SV2A: variants seen among roughly 807,000 people sequenced by gnomAD.
The protein encoded by SV2A is solute carrier family 22 member B1.
A neutral mutation model predicts 78.0 loss-of-function variants in SV2A; 25 were observed. That is an observed-to-expected ratio of 0.32 (90% CI 0.23 to 0.45). The LOEUF is 0.45. Among genes scored for constraint, SV2A ranks in the 20% least tolerant of loss-of-function variants. The pLI, the probability that SV2A is intolerant of heterozygous loss-of-function variation, is 1.00. For missense variants in SV2A, 752 were observed against 971.5 expected (o/e 0.77, Z 3.00); for synonymous variants, 355 against 384.7 (o/e 0.92, Z 0.90).
intron 12 of SV2A, chr1:149,905,456 CT>C (rs782048028): frequency 0.066 from 16,055 of 243,450 alleles, no homozygotes; most frequent in Middle Eastern, 0.099. Context: ...TTTTTTTTTC[CT>C]TTTTTTTTTT....
At position 149,904,964 on chromosome 1, in the gene SV2A, G is replaced by A. The variant is rs782509796; in HGVS notation, c.*50C>T. 7 of 1,541,124 alleles carry A rather than the reference G, an allele frequency of 4.5e-6. No homozygotes were observed. The highest frequency in any genetic ancestry group is 4.6e-5 in the East Asian group (2 of 43,110). Reference sequence around the variant, plus strand: ...GCAGGGCAGGGAGGGGAAGGAAGGAGTTGTTGGTCTCACAGTGTGCCTGCC... The same window carrying A: ...GCAGGGCAGGGAGGGGAAGGAAGGAATTGTTGGTCTCACAGTGTGCCTGCC... On this transcript the variant is annotated 3_prime_UTR_variant, in exon 13 of 13. Transcript: ENST00000369146.
rs769027394 is a variant in SV2A, at chr1:149,907,819, C to T, written c.1559G>A (p.Arg520Gln). 3.4e-5 allele frequency: 55 copies of T among 1,613,938 alleles called. No individual in the cohort carries two copies. The highest frequency in any genetic ancestry group is 4.4e-5 in the Non-Finnish European group (52 of 1,179,930). The change falls in exon 10 of 13, where the codon CGG (arginine) becomes CAG (glutamine). Residue 520 changes from arginine to glutamine, a missense_variant. Arg to Gln is a conservative substitution (Grantham distance 43). Around this residue, in one of 7 missense-constraint regions of SV2A, gnomAD observed 81 missense variants for 74.2 expected, o/e 1.09. Coordinates refer to ENST00000369146, the MANE Select transcript of SV2A (RefSeq NM_014849.5). ...QYFNDKFIGL[R>Q]LKSVSFEDSL... The stretch of plus-strand genomic sequence containing the variant: ...ATCCTCAAAGGACACTGACTTGAGC[C>T]GCAGCCCAATGAACCTGTAAGGCCA...
rs2092447649 is a variant in SV2A, at chr1:149,907,706, T to C, written c.1672A>G (p.Asn558Asp). ...ACCAGCCACCCCGCCTTACCAGTGT[T>C]ATAGAACACAGTGTTGATGAATGTG... ...NCTFINTVFYNTDLFEYKFVN... is the reference protein window; with the variant it reads ...NCTFINTVFYDTDLFEYKFVN... Residue 558 changes from asparagine (N) to aspartate (D), a missense_variant, in exon 10 of 13, where the codon AAC becomes GAC. By Grantham distance (23) the Asn-to-Asp change is conservative. Around this residue, in one of 7 missense-constraint regions of SV2A, gnomAD observed 186 missense variants for 274.6 expected, o/e 0.68. Coordinates refer to ENST00000369146, the MANE Select transcript of SV2A (RefSeq NM_014849.5). 2 of 1,613,808 alleles carry C rather than the reference T, an allele frequency of 1.2e-6. No individual in the cohort carries two copies. Among genetic ancestry groups the C allele is most frequent in the South Asian group, 2.2e-5 (2 of 91,046 alleles).
Position 149,909,487 on chromosome 1 carries a change from C to T in SV2A, c.1264G>A (p.Val422Ile), listed in dbSNP as rs1250964439. 1.2e-6 allele frequency: 2 copies of T among 1,613,214 alleles called. No individual in the cohort carries two copies. Among genetic ancestry groups the T allele is most frequent in the African/African-American group, 1.3e-5 (1 of 74,922 alleles). Residue 422 changes from valine to isoleucine, a missense_variant, in exon 7 of 13, where the codon GTC becomes ATC. Around this residue, in one of 7 missense-constraint regions of SV2A, gnomAD observed 136 missense variants for 132.3 expected, o/e 1.03. Transcript: ENST00000369146. ...TGCCCCCCTAGGCTCAAGGCCCGGA[C>T]CCCCCAGCGCTGGTACCAGGTCCCT... ...DTGTWYQRWG[V>I]RALSLGGQVW...
At chr1:149,914,604 TC>T (rs1370340715) in intron 1 of SV2A, among the ~76,000 whole-genome samples, 26 of 152,202 alleles carry the variant, frequency 1.7e-4, no homozygotes, top group African/African-American at 6.3e-4. Context: ...TGGCCTTCCC[TC>T]CTCTGATGGC....
intron 10 of SV2A, among the ~76,000 whole-genome samples, chr1:149,907,412 G>T (rs1402738380): frequency 2.0e-5 from 3 of 152,158 alleles, no homozygotes; most frequent in African/African-American, 7.2e-5. Flanking sequence ...TATTTTGGAT[G>T]ATTTTTACCT....
rs1339001966 is a variant in SV2A, at chr1:149,907,900, T to C, written c.1545-67A>G. On this transcript the variant is annotated intron_variant, in intron 9 of 12. Coordinates refer to ENST00000369146, the MANE Select transcript of SV2A (RefSeq NM_014849.5). ...CATGCCCCCTCCAAGACTCACTCTT[T>C]AGCGAAGTAATGGGAAGCTGGGCAT... The C allele has an allele frequency of 3.8e-6, 6 of 1,584,792 alleles. No individual in the cohort carries two copies. The African/African-American group carries it at 4.1e-5, about 11-fold the overall frequency.
Position 149,906,647 on chromosome 1 carries a change from T to C in SV2A, c.1885+3A>G, listed in dbSNP as rs2092439945. 2 of 1,613,970 alleles carry C rather than the reference T, an allele frequency of 1.2e-6. No homozygotes were observed. The highest frequency in any genetic ancestry group is 1.7e-6 in the Non-Finnish European group (2 of 1,179,954). On this transcript the variant is annotated splice_donor_region_variant and intron_variant, in intron 11 of 12. Transcript: ENST00000369146. Reference sequence around the variant, plus strand: ...CAGATCTGACTCAGCCTCTCCCCCTTACCAAGCATTCTGAGCCTGCCGATC... The same window carrying C: ...CAGATCTGACTCAGCCTCTCCCCCTCACCAAGCATTCTGAGCCTGCCGATC...
intron 7 of SV2A, 53 bp from the exon 8 acceptor site, chr1:149,909,333 A>G (rs2092460300): frequency 1.3e-6 from 2 of 1,596,364 alleles, no homozygotes; most frequent in East Asian, 2.2e-5. Flanking sequence ...TCTAGCACCC[A>G]TAGATCCCCA....
At chr1:149,909,625 G>A in intron 6 of SV2A, 54 bp from the exon 7 acceptor site, 1 of 1,549,146 alleles carries the variant, frequency 6.5e-7, no homozygotes, top group Non-Finnish European at 8.9e-7. Context: ...CCCAACATCG[G>A]CCAGGCGCCT....
At chr1:149,911,024 T>TGATCCC (rs2092472101) in intron 3 of SV2A, 47 bp from the exon 4 acceptor site, 1 of 1,587,502 alleles carries the variant, frequency 6.3e-7, no homozygotes, top group Admixed American at 1.7e-5. Context: ...GCCATAGTCC[T>TGATCCC]GATCCCCTGC....
Position 149,908,082 on chromosome 1 carries a change from C to T in SV2A, c.1504G>A (p.Glu502Lys). 1 of 1,614,130 alleles carries T rather than the reference C, an allele frequency of 6.2e-7. No individual in the cohort carries two copies. The highest frequency in any genetic ancestry group is 8.5e-7 in the Non-Finnish European group (1 of 1,180,022). Residue 502 changes from glutamate (E) to lysine (K), a missense_variant, in exon 9 of 13, where the codon GAG becomes AAG. Physicochemically the swap from Glu to Lys is moderately conservative, Grantham distance 56. Transcript: ENST00000369146. The part of the protein sequence containing the change: ...VEHVTFNFTL[E>K]NQIHRGGQYF... ...TGCCCGCCTCGGTGGATCTGATTCT[C>T]CAACGTGAAGTTAAAAGTTACATGC...
chr1:149,909,437 A>G (rs1571501744), intron 7 of SV2A, 24 bp downstream of exon 7: 3 of 1,595,190 alleles, frequency 1.9e-6, no homozygotes, highest in East Asian at 2.2e-5. Context: ...ACTCCCTTCT[A>G]TCTACCACCC....
rs1553762798 is a variant in SV2A at position 149,906,656 on chromosome 1, T to C, written c.1879A>G (p.Met627Val). 1 of 1,614,012 alleles carries C rather than the reference T, an allele frequency of 6.2e-7. No homozygotes were observed. Among genetic ancestry groups the C allele is most frequent in the African/African-American group, 1.3e-5 (1 of 74,908 alleles). ...LLMDKIGRLR[M>V]LAGSSVMSCV... ...CTCAGCCTCTCCCCCTTACCAAGCATTCTGAGCCTGCCGATCTTGTCCATG... is the reference window on the plus strand; with the variant it reads ...CTCAGCCTCTCCCCCTTACCAAGCACTCTGAGCCTGCCGATCTTGTCCATG... Residue 627 changes from methionine (M) to valine (V), a missense_variant, in exon 11 of 13, where the codon ATG (methionine) becomes GTG (valine). By Grantham distance (21) the Met-to-Val change is conservative (BLOSUM62 1). Around this residue, in one of 7 missense-constraint regions of SV2A, gnomAD observed 186 missense variants for 274.6 expected, o/e 0.68. Coordinates refer to ENST00000369146, the MANE Select transcript of SV2A (RefSeq NM_014849.5).
Position 149,911,922 on chromosome 1 carries a change from G to A in SV2A, c.681C>T (p.Asp227=), listed in dbSNP as rs1553763863. The part of the protein sequence containing the change: ...VGAFLWGGLA[D]RLGRRQCLLI... ...GCAGACACTGCCTCCGACCCAGCCG[G>A]TCAGCCAGACCTCCCCAGAGGAAGG... The change falls in exon 3 of 13, where the codon GAC becomes GAT. Residue 227 remains aspartate, a synonymous_variant. Transcript: ENST00000369146. 6.2e-7 allele frequency: 1 copy of A among 1,614,174 alleles called. No individual in the cohort carries two copies. The highest frequency in any genetic ancestry group is 8.5e-7 in the Non-Finnish European group (1 of 1,180,028).
At chr1:149,914,806 A>G (rs1336640284) in intron 1 of SV2A, among the ~76,000 whole-genome samples, 4 of 152,222 alleles carry the variant, frequency 2.6e-5, no homozygotes, top group Admixed American at 2.6e-4. Flanking sequence ...TCTTGTTTAA[A>G]AAGGGGAAAG....
Position 149,904,927 on chromosome 1 carries a change from G to A in SV2A, c.*87C>T, listed in dbSNP as rs1311010837. On this transcript the variant is annotated 3_prime_UTR_variant, in exon 13 of 13. Coordinates refer to ENST00000369146, the MANE Select transcript of SV2A (RefSeq NM_014849.5). ...CGGGGAGTGGGGAGTGAGGGCTCTG[G>A]AGGTCAGGATGGCAGGGCAGGGAGG... 2.1e-6 allele frequency: 3 copies of A among 1,417,306 alleles called. No individual in the cohort carries two copies. Among genetic ancestry groups the A allele is most frequent in the South Asian group, 1.4e-5 (1 of 71,838 alleles). 87.8% of individuals were successfully genotyped at this position (1,417,306 alleles called of 1,614,324 possible). A position where few individuals can be genotyped will look rare whatever the true frequency, so the allele number is the denominator to read the frequency against.
rs1553764045 is a variant in SV2A at position 149,913,369 on chromosome 1, C to T, written c.472G>A (p.Glu158Lys). The change falls in exon 2 of 13, where the codon GAG becomes AAG. Residue 158 changes from glutamate to lysine, a missense_variant. Around this residue, in one of 7 missense-constraint regions of SV2A, gnomAD observed 291 missense variants for 359.5 expected, o/e 0.81. Coordinates refer to ENST00000369146, the MANE Select transcript of SV2A (RefSeq NM_014849.5). ...LAQQYEAILR[E>K]CGHGRFQWTL... is the part of the protein sequence containing the mutation. ...CACTGGAAGCGGCCGTGGCCACACT[C>T]CCGTAGGATGGCTTCATACTGTTGG... 5 of 1,614,036 alleles carry T rather than the reference C, an allele frequency of 3.1e-6. No homozygotes were observed. The highest frequency in any genetic ancestry group is 4.2e-6 in the Non-Finnish European group (5 of 1,180,044).
rs2092411566 is a variant in SV2A, at chr1:149,903,347, T to A, written c.*1667A>T. The A allele has an allele frequency of 6.6e-6, 1 of 152,276 alleles. No individual in the cohort carries two copies. Among genetic ancestry groups the A allele is most frequent in the Non-Finnish European group, 1.5e-5 (1 of 68,068 alleles). 9.4% of individuals were successfully genotyped at this position (152,276 alleles called of 1,614,324 possible). A position where few individuals can be genotyped will look rare whatever the true frequency, so the allele number is the denominator to read the frequency against. On this transcript the variant is annotated 3_prime_UTR_variant, in exon 13 of 13. Coordinates refer to ENST00000369146, the MANE Select transcript of SV2A (RefSeq NM_014849.5). Reference sequence around the variant, plus strand: ...GTATTTTGAGGATTTGTTTCCGTTTTATTTTTCGTCAATATTTTTCACTGC... The same window carrying A: ...GTATTTTGAGGATTTGTTTCCGTTTAATTTTTCGTCAATATTTTTCACTGC...
Sources: allele counts gnomAD v4.1 joint callset (sites outside exome capture counted in the v4.1 genomes callset), GRCh38; gene constraint gnomAD v4.1.1; regional missense constraint gnomAD v4.1.1; transcripts MANE v1.5; gene names NCBI Gene and HGNC (gene_info 2026-07-23, HGNC 2026-07-21).